Variants in KCNAB2 observed in about 807,000 individuals in gnomAD.
KCNAB2 encodes the protein potassium voltage-gated channel subfamily A regulatory beta subunit 2.
A neutral mutation model predicts 63.6 loss-of-function variants in KCNAB2; 29 were observed. That is an observed-to-expected ratio of 0.46 (90% CI 0.34 to 0.62). The LOEUF (loss-of-function observed/expected upper bound fraction) is 0.62, where lower values mean the gene tolerates loss of function less well. Among genes scored for constraint, KCNAB2 ranks in the 20% least tolerant of loss-of-function variants. KCNAB2 has a pLI of 0.01. For missense variants in KCNAB2, 359 were observed against 563.9 expected (o/e 0.64, Z 3.68); for synonymous variants, 222 against 224.2 (o/e 0.99, Z 0.09).
At chr1:6,084,240 T>C (rs763320363) in intron 5 of KCNAB2, among the ~76,000 whole-genome samples, 17 of 152,236 alleles carry the variant, frequency 1.1e-4, no homozygotes, top group Non-Finnish European at 1.8e-4. Context: ...AGTGCTGCAG[T>C]GCCAGGCAAG....
At chr1:6,042,828 G>GCC (rs1660602552), upstream of KCNAB2, among the ~76,000 whole-genome samples, 7 of 32,638 alleles carry the variant, frequency 2.1e-4, no homozygotes, top group Admixed American at 4.4e-4. Context: ...TTCTCTCCCC[G>GCC]CGCCCCCACT....
chr1:6,067,971 C>CAGTG (rs1410610313), intron 2 of KCNAB2, among the ~76,000 whole-genome samples: 1 of 152,118 alleles, frequency 6.6e-6, no homozygotes, highest in Non-Finnish European at 1.5e-5. Flanking sequence ...GCAGAGGTTG[C>CAGTG]AGTGAACCAA....
chr1:6,070,011 G>A (rs1039563024), intron 2 of KCNAB2, among the ~76,000 whole-genome samples: 4 of 152,178 alleles, frequency 2.6e-5, no homozygotes, highest in Non-Finnish European at 4.4e-5. Context: ...TGGTGACCAA[G>A]GGGTGCCTCT....
intron 1 of KCNAB2, among the ~76,000 whole-genome samples, chr1:6,050,462 G>A (rs533984363): frequency 3.1e-4 from 47 of 152,216 alleles, no homozygotes; most frequent in Non-Finnish European, 5.0e-4. Context: ...ACTCAGCCCC[G>A]AGGCTGCCCT....
chr1:6,098,827 C>T lies in KCNAB2; in HGVS notation c.*253C>T. On this transcript the variant is annotated 3_prime_UTR_variant, in exon 16 of 16. Coordinates refer to ENST00000378083, the MANE Select transcript of KCNAB2 (RefSeq NM_001199862.2). ...GATGTTCAAACGGTCCCACCCAAGC[C>T]TGTCACCTCTGCTCATCCTCCAAGA... 1 of 420,200 alleles carries T rather than the reference C, an allele frequency of 2.4e-6. No individual in the cohort carries two copies. Among genetic ancestry groups the T allele is most frequent in the Non-Finnish European group, 4.3e-6 (1 of 232,674 alleles). 26.0% of individuals were successfully genotyped at this position (420,200 alleles called of 1,614,324 possible). A position where few individuals can be genotyped will look rare whatever the true frequency, so the allele number is the denominator to read the frequency against.
upstream of KCNAB2, among the ~76,000 whole-genome samples, chr1:6,031,931 A>C (rs1385859666): frequency 6.6e-6 from 1 of 152,088 alleles, no homozygotes; most frequent in Non-Finnish European, 1.5e-5. The surrounding 1 kb of genome is among the most constrained non-coding windows in gnomAD (Gnocchi z 4.1). Context: ...CAGCGTGGAG[A>C]GGAAACTGCC....
chr1:6,057,702 G>A (rs942188048), intron 2 of KCNAB2, among the ~76,000 whole-genome samples: 14 of 152,198 alleles, frequency 9.2e-5, no homozygotes, highest in African/African-American at 2.7e-4. Context: ...AAGGCCCCAG[G>A]GAGGGTCCTT....
chr1:6,054,255 G>A (rs190913150), intron 2 of KCNAB2, among the ~76,000 whole-genome samples: 7 of 152,226 alleles, frequency 4.6e-5, no homozygotes, highest in East Asian at 1.9e-4. Flanking sequence ...CGGTGTTACC[G>A]GTGGAGGGTG....
At chr1:6,048,786 G>C (rs1661151468) in intron 1 of KCNAB2, among the ~76,000 whole-genome samples, 1 of 152,182 alleles carries the variant, frequency 6.6e-6, no homozygotes, top group African/African-American at 2.4e-5. Context: ...CCCCACACCG[G>C]ACTGGCAGCT....
chr1:6,002,656 G>T (rs570528402), intron 1 of KCNAB2, among the ~76,000 whole-genome samples: 1 of 152,128 alleles, frequency 6.6e-6, no homozygotes, highest in Non-Finnish European at 1.5e-5. Context: ...ATCCCAGCAC[G>T]TCCCCATCAG....
At chr1:6,007,257 C>T (rs74049342) in intron 1 of KCNAB2, among the ~76,000 whole-genome samples, 1 of 152,172 alleles carries the variant, frequency 6.6e-6, no homozygotes, top group Non-Finnish European at 1.5e-5. Context: ...GAGGTGGGGA[C>T]CCCAGCCACA....
chr1:6,088,953 G>A, intron 7 of KCNAB2, 55 bp from the exon 8 acceptor site: 1 of 1,513,846 alleles, frequency 6.6e-7, no homozygotes, highest in Non-Finnish European at 8.9e-7. Flanking sequence ...TTTTTGGGAG[G>A]GGCCAGGGTG....
At position 6,001,346 on chromosome 1, in the gene KCNAB2, CACAG is replaced by C. The variant is rs145808798; in HGVS notation, c.-53+8562_-53+8565del. Reference sequence around the variant, plus strand: ...CACACACACACTCTCCCAACACACACACAGACACACAGAGCCTGTGCCACCAGCC... The same window carrying C: ...CACACACACACTCTCCCAACACACACACACACAGAGCCTGTGCCACCAGCC... On this transcript the variant is annotated intron_variant, in intron 1 of 16. Coordinates refer to the KCNAB2 transcript ENST00000341524. Among the ~76,000 whole-genome samples the C allele has an allele frequency of 1.2e-3, 176 of 152,220 alleles. 4 individuals are homozygous for C. The East Asian group carries it at 0.032, about 28-fold the overall frequency.
intron 2 of KCNAB2, chr1:6,040,668 A>C: frequency 6.8e-7 from 1 of 1,466,596 alleles, no homozygotes; most frequent in Non-Finnish European, 9.6e-7. Context: ...CCCCTCACCC[A>C]GGCCCCCTCC....
rs1017842575 is a variant in KCNAB2 at position 6,028,389 on chromosome 1, C to T, written c.-52-12128C>T. On this transcript the variant is annotated intron_variant, in intron 1 of 16. Transcript: ENST00000341524. The surrounding 1 kb of genome is among the most constrained non-coding windows in gnomAD (Gnocchi z 4.0). ...ATGGTTTTGTGTTATACAGTAGTCA[C>T]GGCAGATACTTCGGGGGCTTGGCAG... is the stretch of plus-strand genomic sequence containing the variant. Among the ~76,000 whole-genome samples the T allele has an allele frequency of 3.7e-4, 57 of 152,206 alleles. No homozygotes were observed. The highest frequency in any genetic ancestry group is 1.3e-3 in the African/African-American group (53 of 41,458).
At chr1:6,075,617 C>G (rs1407326198) in intron 4 of KCNAB2, among the ~76,000 whole-genome samples, 1 of 152,226 alleles carries the variant, frequency 6.6e-6, no homozygotes, top group African/African-American at 2.4e-5. Flanking sequence ...GCCCGCCTGG[C>G]TGCGGTTCAG....
intron 2 of KCNAB2, among the ~76,000 whole-genome samples, chr1:6,065,835 G>C (rs1380045426): frequency 6.6e-6 from 1 of 152,216 alleles, no homozygotes; most frequent in African/African-American, 2.4e-5. Context: ...GCTTCCAGCA[G>C]GTCTTCTGTA....
intron 2 of KCNAB2, among the ~76,000 whole-genome samples, chr1:6,068,980 G>A (rs1473319786): frequency 2.0e-5 from 3 of 152,176 alleles, no homozygotes; most frequent in Admixed American, 2.0e-4. Context: ...GTAAGGGAGG[G>A]GCCAGCACTT....
At chr1:6,039,029 AC>A (rs994648065) in intron 1 of KCNAB2, among the ~76,000 whole-genome samples, 5 of 150,764 alleles carry the variant, frequency 3.3e-5, no homozygotes, top group Admixed American at 1.3e-4. Flanking sequence ...CCTGGAACAC[AC>A]CCCCCCCAGA....
Sources: allele counts gnomAD v4.1 joint callset (sites outside exome capture counted in the v4.1 genomes callset), GRCh38; gene constraint gnomAD v4.1.1; non-coding constraint Gnocchi (gnomAD v3.1); transcripts MANE v1.5; gene names NCBI Gene and HGNC (gene_info 2026-07-23, HGNC 2026-07-21).